Variants in DPP6 observed in about 807,000 individuals in gnomAD.
DPP6 encodes the protein dipeptidyl peptidase like 6.
DPP6 carries 69 observed loss-of-function variants against 122.6 expected under a neutral mutation model. That is an observed-to-expected ratio of 0.56 (90% CI 0.46 to 0.69). The LOEUF (loss-of-function observed/expected upper bound fraction) is 0.69. Among genes scored for constraint, DPP6 ranks in the 30% least tolerant of loss-of-function variants. The pLI is 0.00. For synonymous variants in DPP6, 418 were observed against 433.1 expected, an observed-to-expected ratio of 0.97 and a Z score of 0.43; for missense variants, 928 against 1,116.9, an observed-to-expected ratio of 0.83 and a Z score of 2.41.
chr7:154,684,122 A>G (rs914120049), intron 7 of DPP6, among the ~76,000 whole-genome samples: 1 of 151,268 alleles, frequency 6.6e-6, no homozygotes, highest in Non-Finnish European at 1.5e-5. Flanking sequence ...TTCTACCTCA[A>G]CCTCCCAAAG....
At chr7:154,081,347 T>G (rs151219253) in intron 1 of DPP6, among the ~76,000 whole-genome samples, 3,584 of 142,184 alleles carry the variant, frequency 0.025, 97 homozygotes, top group Non-Finnish European at 0.034. Context: ...TAGACTCTGA[T>G]GCCTCCAGGG....
chr7:154,343,657 T>C (rs1467526522), intron 1 of DPP6, among the ~76,000 whole-genome samples: 1 of 152,264 alleles, frequency 6.6e-6, no homozygotes, highest in Non-Finnish European at 1.5e-5. Flanking sequence ...CTCGGCTCAC[T>C]GCACCCTCTG....
At chr7:154,243,177 T>C (rs1043997165) in intron 1 of DPP6, among the ~76,000 whole-genome samples, 1 of 152,168 alleles carries the variant, frequency 6.6e-6, no homozygotes, top group Admixed American at 6.5e-5. Flanking sequence ...AAAGAGATTA[T>C]CTAGAATCAT....
intron 1 of DPP6, among the ~76,000 whole-genome samples, chr7:154,120,063 T>C (rs1305319485): frequency 2.0e-5 from 3 of 152,218 alleles, no homozygotes; most frequent in Non-Finnish European, 1.5e-5. Context: ...TACTCTATAA[T>C]ATTCCAAATA....
the DPP6 span, among the ~76,000 whole-genome samples, chr7:153,779,984 C>T: frequency 2.6e-5 from 4 of 151,416 alleles, no homozygotes; most frequent in African/African-American, 9.7e-5. Flanking sequence ...ATTTGTTTAC[C>T]CCAATGCCAG....
At chr7:154,643,818 A>G (rs1202139090) in intron 6 of DPP6, among the ~76,000 whole-genome samples, 2 of 152,208 alleles carry the variant, frequency 1.3e-5, no homozygotes. Context: ...CATCATAAAC[A>G]GTCTCAAGAA....
chr7:154,444,683 A>G (rs1819704064), intron 1 of DPP6, among the ~76,000 whole-genome samples: 1 of 152,202 alleles, frequency 6.6e-6, no homozygotes, highest in South Asian at 2.1e-4. Flanking sequence ...CCACTGAAAG[A>G]TTCCTGCTAG....
At chr7:154,307,669 A>G (rs530602735) in intron 1 of DPP6, among the ~76,000 whole-genome samples, 42 of 152,292 alleles carry the variant, frequency 2.8e-4, no homozygotes, top group Non-Finnish European at 5.3e-4. Flanking sequence ...CCCTAAAGAC[A>G]GTCTCTTATT....
At chr7:153,928,271 G>A (rs985726372) in intron 1 of DPP6, among the ~76,000 whole-genome samples, 3 of 150,672 alleles carry the variant, frequency 2.0e-5, no homozygotes, top group Non-Finnish European at 4.4e-5. Context: ...GAGTTCAGTG[G>A]CACGATCTTG....
At chr7:154,093,489 A>T (rs1805038134) in intron 1 of DPP6, among the ~76,000 whole-genome samples, 1 of 118,438 alleles carries the variant, frequency 8.4e-6, no homozygotes, top group Admixed American at 9.3e-5. Flanking sequence ...ACCACACACA[A>T]ACCACACACA....
At chr7:154,108,782 G>A (rs765494393) in intron 1 of DPP6, among the ~76,000 whole-genome samples, 17 of 152,166 alleles carry the variant, frequency 1.1e-4, no homozygotes, top group Admixed American at 5.2e-4. Context: ...GGGCGGACAG[G>A]TTCTAAGTTG....
chr7:154,079,763 A>C (rs540900474), intron 1 of DPP6, among the ~76,000 whole-genome samples: 1 of 152,176 alleles, frequency 6.6e-6, no homozygotes, highest in Non-Finnish European at 1.5e-5. Flanking sequence ...AGGATCCCTG[A>C]TGCCCAGATG....
intron 1 of DPP6, among the ~76,000 whole-genome samples, chr7:153,970,734 T>C (rs1426924273): frequency 3.3e-5 from 5 of 152,228 alleles, no homozygotes; most frequent in Admixed American, 6.5e-5. Flanking sequence ...GTTCATGTTA[T>C]GTTGAAATGG....
intron 1 of DPP6, among the ~76,000 whole-genome samples, chr7:154,166,044 C>T (rs548275730): frequency 0.02 from 2,989 of 152,156 alleles, 84 homozygotes; most frequent in African/African-American, 0.066. Flanking sequence ...TTTCTTCTGC[C>T]GTTGGCACCC....
intron 5 of DPP6, among the ~76,000 whole-genome samples, chr7:154,607,194 A>G (rs928830314): frequency 1.7e-5 from 2 of 120,326 alleles, no homozygotes; most frequent in African/African-American, 5.3e-5. Context: ...AAATAAAACT[A>G]TGGGACACAT....
intron 1 of DPP6, among the ~76,000 whole-genome samples, chr7:154,339,765 G>C (rs1330028026): frequency 6.6e-6 from 1 of 152,154 alleles, no homozygotes; most frequent in African/African-American, 2.4e-5. Context: ...GTGCTCTGCT[G>C]TTATGTGAGC....
intron 1 of DPP6, among the ~76,000 whole-genome samples, chr7:154,405,384 T>G (rs1487929216): frequency 6.6e-6 from 1 of 152,208 alleles, no homozygotes; most frequent in Non-Finnish European, 1.5e-5. Context: ...TACTGGTGTT[T>G]TGCTTGTTTT....
chr7:154,266,102 C>A (rs957463300), intron 1 of DPP6, among the ~76,000 whole-genome samples: 4 of 152,268 alleles, frequency 2.6e-5, no homozygotes, highest in African/African-American at 9.6e-5. Context: ...TCTCTCATAT[C>A]TCTATGAGAG....
At chr7:154,383,560 A>G (rs1563579558) in intron 1 of DPP6, among the ~76,000 whole-genome samples, 1 of 152,124 alleles carries the variant, frequency 6.6e-6, no homozygotes, top group East Asian at 1.9e-4. Flanking sequence ...ATGGTGGAAG[A>G]TTTTTTTCTC....
Sources: allele counts gnomAD v4.1 joint callset (sites outside exome capture counted in the v4.1 genomes callset), GRCh38; gene constraint gnomAD v4.1.1; transcripts MANE v1.5; gene names NCBI Gene and HGNC (gene_info 2026-07-23, HGNC 2026-07-21).